The following VPS41 variants were observed in gnomAD, a reference collection of about 807,000 sequenced individuals.
The protein encoded by VPS41 is vacuolar protein sorting-associated protein 41 homolog.
A neutral mutation model predicts 130.9 loss-of-function variants in VPS41; 85 were observed. The ratio of observed to expected loss-of-function variants is 0.65; its 90% CI spans 0.55 to 0.78. The LOEUF is 0.78. VPS41 is among the 30% of genes least tolerant of loss of function. The probability of loss-of-function intolerance (pLI) is 0.00; values close to 1 mark genes in which losing one functional copy is unlikely to be tolerated. For missense variants in VPS41, 874 were observed against 1,018.7 expected (o/e 0.86, Z 1.93); for synonymous variants, 335 against 332.9 (o/e 1.01, Z -0.07).
chr7:38,810,617 G>A (rs988649626), intron 7 of VPS41, among the ~76,000 whole-genome samples: 1 of 152,034 alleles, frequency 6.6e-6, no homozygotes. Flanking sequence ...TAATTCCAAC[G>A]ATTTATTTGG....
At chr7:38,742,564 G>A (rs1795901773) in intron 24 of VPS41, among the ~76,000 whole-genome samples, 2 of 152,092 alleles carry the variant, frequency 1.3e-5, no homozygotes, top group Non-Finnish European at 2.9e-5. Context: ...CGGCTAATAA[G>A]TAATGTGCCC....
intron 4 of VPS41, among the ~76,000 whole-genome samples, chr7:38,836,024 T>C (rs1425355436): frequency 6.6e-6 from 1 of 152,026 alleles, no homozygotes; most frequent in Non-Finnish European, 1.5e-5. Flanking sequence ...TTGCTCACAT[T>C]TTTATTTTTC....
intron 3 of VPS41, among the ~76,000 whole-genome samples, chr7:38,864,926 T>C (rs1469020008): frequency 6.6e-6 from 1 of 152,112 alleles, no homozygotes; most frequent in Admixed American, 6.5e-5. Flanking sequence ...TTAAACTTCA[T>C]GTAAGTAACT....
At chr7:38,899,220 T>C (rs1313275696) in intron 1 of VPS41, among the ~76,000 whole-genome samples, 2 of 152,192 alleles carry the variant, frequency 1.3e-5, no homozygotes, top group Non-Finnish European at 2.9e-5. Context: ...ATATGTTCCT[T>C]GTAATTAAGA....
chr7:38,767,726 T>C, intron 14 of VPS41, 128 bp from the exon 15 acceptor site: 1 of 474,304 alleles, frequency 2.1e-6, no homozygotes, highest in Admixed American at 3.8e-5. Context: ...GTTTATACTC[T>C]TAGCTTGCTT....
In VPS41 at chr7:38,774,127, C is replaced by T; in HGVS notation, c.1000G>A (p.Asp334Asn). ...VRGFQENECRDYHLEYSEGES... is the reference protein window; with the variant it reads ...VRGFQENECRNYHLEYSEGES... ...TCATATCTCCTACCTAAATGATAAT[C>T]TCTACATTCATTCTCCTGAAAGCCT... is the stretch of plus-strand genomic sequence containing the variant. Residue 334 changes from aspartate (D) to asparagine (N), a missense_variant, in exon 12 of 29, where the codon GAT becomes AAT. Physicochemically the swap from Asp to Asn is conservative, Grantham distance 23 (BLOSUM62 1). Transcript: ENST00000310301. 1 of 1,605,584 alleles carries T rather than the reference C, an allele frequency of 6.2e-7. No individual in the cohort carries two copies. The highest frequency in any genetic ancestry group is 8.5e-7 in the Non-Finnish European group (1 of 1,174,252).
At chr7:38,796,650 G>T in intron 8 of VPS41, 95 bp downstream of exon 8, 2 of 1,574,876 alleles carry the variant, frequency 1.3e-6, no homozygotes, top group Non-Finnish European at 1.7e-6. Flanking sequence ...CACCACCACA[G>T]CAAGTGGCAT....
intron 4 of VPS41, among the ~76,000 whole-genome samples, chr7:38,856,079 C>T (rs998951202): frequency 6.6e-6 from 1 of 152,130 alleles, no homozygotes; most frequent in Non-Finnish European, 1.5e-5. Context: ...AAGGGAAGGT[C>T]TCTCCTGTCT....
chr7:38,872,072 G>T (rs182397700), intron 2 of VPS41, among the ~76,000 whole-genome samples: 53 of 152,246 alleles, frequency 3.5e-4, no homozygotes, highest in African/African-American at 1.2e-3. Flanking sequence ...TTCTCACGGC[G>T]TTGCAGACAA....
At chr7:38,745,908 TTCTC>T (rs1795977077) in intron 22 of VPS41, 2 of 315,264 alleles carry the variant, frequency 6.3e-6, no homozygotes. Flanking sequence ...CCACTAAGCT[TTCTC>T]TCTTTACACT....
At chr7:38,827,454 C>G (rs1361412704) in intron 5 of VPS41, among the ~76,000 whole-genome samples, 1 of 152,180 alleles carries the variant, frequency 6.6e-6, no homozygotes, top group Non-Finnish European at 1.5e-5. Flanking sequence ...ACCCTCTTGC[C>G]TTGAAAAGTT....
At chr7:38,728,005 T>C (rs567006652) in intron 27 of VPS41, among the ~76,000 whole-genome samples, 7 of 152,320 alleles carry the variant, frequency 4.6e-5, no homozygotes, top group African/African-American at 1.7e-4. Flanking sequence ...ATGTTTCCAC[T>C]GAAATGTGAG....
At chr7:38,800,167 A>T (rs1366120323) in intron 7 of VPS41, among the ~76,000 whole-genome samples, 1 of 152,248 alleles carries the variant, frequency 6.6e-6, no homozygotes, top group Non-Finnish European at 1.5e-5. Flanking sequence ...ACGGAGCATA[A>T]TACGATGGAG....
intron 4 of VPS41, among the ~76,000 whole-genome samples, chr7:38,831,877 GT>G (rs1463618418): frequency 6.6e-6 from 1 of 152,146 alleles, no homozygotes; most frequent in Non-Finnish European, 1.5e-5. Context: ...ATTACAACAT[GT>G]TTCTCACTGA....
chr7:38,813,270 T>C (rs1232632272), intron 7 of VPS41, among the ~76,000 whole-genome samples: 2 of 152,126 alleles, frequency 1.3e-5, no homozygotes, highest in East Asian at 3.8e-4. Flanking sequence ...ACAAAGGCCA[T>C]ATATTACATG....
rs796352844 is a variant in VPS41 at position 38,836,488 on chromosome 7, G to A, written c.247-6160C>T. Reference sequence around the variant, plus strand: ...ATTAGTTCTAAGAATGAATCCAGGAGCAGAAACTATTTTACTTTTGAGATG... The same window carrying A: ...ATTAGTTCTAAGAATGAATCCAGGAACAGAAACTATTTTACTTTTGAGATG... On this transcript the variant is annotated intron_variant, in intron 4 of 28. Transcript: ENST00000310301. 3.2e-4 allele frequency among the ~76,000 whole-genome samples: 49 copies of A among 152,176 alleles called. 1 individual carries two copies. The highest frequency in any genetic ancestry group is 1.1e-3 in the African/African-American group (45 of 41,560).
At chr7:38,902,336 C>G (rs1166772862) in intron 1 of VPS41, among the ~76,000 whole-genome samples, 1 of 152,180 alleles carries the variant, frequency 6.6e-6, no homozygotes, top group Non-Finnish European at 1.5e-5. Context: ...ACTCTCTCCA[C>G]AAACCTGTGA....
chr7:38,861,352 C>T (rs757231770), intron 4 of VPS41, among the ~76,000 whole-genome samples: 2 of 152,112 alleles, frequency 1.3e-5, no homozygotes, highest in Non-Finnish European at 2.9e-5. Flanking sequence ...AAAAACGACA[C>T]CTGGCCCAGT....
intron 2 of VPS41, among the ~76,000 whole-genome samples, chr7:38,885,913 C>G (rs78458672): frequency 0.049 from 7,493 of 151,994 alleles, 240 homozygotes; most frequent in Middle Eastern, 0.089. Context: ...ACTGGATGGG[C>G]TCAATAACAG....
Sources: gnomAD v4.1 joint callset for allele counts (sites outside exome capture counted in the v4.1 genomes callset) on GRCh38, gnomAD v4.1.1 for gene constraint, MANE v1.5 for transcripts, NCBI Gene and HGNC (gene_info 2026-07-23, HGNC 2026-07-21) for gene names.